Variants in DPYD observed in about 807,000 individuals in gnomAD.
DPYD encodes dihydropyrimidine dehydrogenase [NADP(+)].
DPYD carries 109 observed loss-of-function variants against 116.2 expected under a neutral mutation model. The ratio of observed to expected loss-of-function variants is 0.94; its 90% CI spans 0.80 to 1.10. The LOEUF is 1.10. Among genes scored for constraint, DPYD ranks in the 50% least tolerant of loss-of-function variants. The probability of loss-of-function intolerance (pLI) is 0.00; values close to 1 mark genes in which losing one functional copy is unlikely to be tolerated. For synonymous variants in DPYD, 440 were observed against 432.0 expected (o/e 1.02, Z -0.23); for missense variants, 1,302 against 1,254.5 (o/e 1.04, Z -0.57).
At chr1:97,877,159 T>C (rs1014831545) in intron 2 of DPYD, among the ~76,000 whole-genome samples, 2 of 152,008 alleles carry the variant, frequency 1.3e-5, no homozygotes, top group African/African-American at 4.8e-5. Flanking sequence ...TCAGAATGAC[T>C]GTCATCTTTT....
chr1:97,198,627 A>C (rs539698988), intron 19 of DPYD, among the ~76,000 whole-genome samples: 3 of 152,322 alleles, frequency 2.0e-5, no homozygotes, highest in South Asian at 2.1e-4. Flanking sequence ...TGCTATGCCT[A>C]AATGGGTGCA....
chr1:97,397,876 C>A (rs1455191908), intron 14 of DPYD, among the ~76,000 whole-genome samples: 3 of 151,690 alleles, frequency 2.0e-5, no homozygotes, highest in South Asian at 4.2e-4. Flanking sequence ...GGGTTAATAC[C>A]AAGGAGTAGA....
chr1:97,229,302 C>G (rs1291450686), intron 19 of DPYD, among the ~76,000 whole-genome samples: 1 of 146,938 alleles, frequency 6.8e-6, no homozygotes, highest in Non-Finnish European at 1.5e-5. Context: ...CAAGCCCCAG[C>G]AGACATTAAA....
intron 2 of DPYD, among the ~76,000 whole-genome samples, chr1:97,876,221 C>T (rs554531632): frequency 2.5e-3 from 379 of 152,120 alleles, no homozygotes; most frequent in Non-Finnish European, 4.0e-3. Context: ...GCAAGTACTT[C>T]TGACTCAACC....
At chr1:97,186,597 C>T (rs1019507614) in intron 20 of DPYD, among the ~76,000 whole-genome samples, 1 of 152,124 alleles carries the variant, frequency 6.6e-6, no homozygotes, top group Admixed American at 6.5e-5. Context: ...GCTTGTAAGC[C>T]CAGAACTCTG....
intron 20 of DPYD, among the ~76,000 whole-genome samples, chr1:97,100,308 G>A (rs910158378): frequency 2.6e-5 from 4 of 151,984 alleles, no homozygotes; most frequent in African/African-American, 9.7e-5. Context: ...TACACTTGGT[G>A]CCAAAAAAAT....
chr1:97,618,876 C>A (rs1435361202), intron 8 of DPYD, among the ~76,000 whole-genome samples: 1 of 152,176 alleles, frequency 6.6e-6, no homozygotes, highest in East Asian at 1.9e-4. Context: ...GAGCTCACCA[C>A]ATAAAATCGA....
intron 8 of DPYD, among the ~76,000 whole-genome samples, chr1:97,663,234 G>GAAA (rs1269400315): frequency 1.3e-5 from 2 of 152,096 alleles, no homozygotes; most frequent in Non-Finnish European, 2.9e-5. Flanking sequence ...TTTCCACCAG[G>GAAA]TTGTCACAAG....
chr1:97,307,643 C>A (rs563560855), intron 16 of DPYD, among the ~76,000 whole-genome samples: 44 of 151,922 alleles, frequency 2.9e-4, no homozygotes, highest in African/African-American at 1.0e-3. Context: ...ACAGTAATTT[C>A]TTCATTAAAC....
At position 97,175,606 on chromosome 1, in the gene DPYD, G is replaced by A. The variant is rs886885125; in HGVS notation, c.2622+17463C>T. Among the ~76,000 whole-genome samples the A allele has an allele frequency of 8.5e-5, 13 of 152,132 alleles. No homozygotes were observed. In the South Asian group the frequency reaches 1.0e-3, roughly 12 times the overall value. The stretch of plus-strand genomic sequence containing the variant: ...GTCTTCTCCATTTTGGTGCCAAAGC[G>A]ATAAAGGAAGAATAAGGGCAAGGGA... On this transcript the variant is annotated intron_variant, in intron 20 of 22. Coordinates refer to ENST00000370192, the MANE Select transcript of DPYD (RefSeq NM_000110.4).
At chr1:97,138,274 T>C (rs1414823111) in intron 20 of DPYD, among the ~76,000 whole-genome samples, 1 of 152,134 alleles carries the variant, frequency 6.6e-6, no homozygotes, top group Non-Finnish European at 1.5e-5. Context: ...TTGTTGCTGA[T>C]TGGAGGCCAT....
At chr1:97,724,293 TGGGGGG>T (rs71883710) in intron 4 of DPYD, among the ~76,000 whole-genome samples, 19 of 21,808 alleles carry the variant, frequency 8.7e-4, no homozygotes, top group African/African-American at 2.2e-3. Context: ...AGGATGTATG[TGGGGGG>T]GGGGGGGGGT....
intron 12 of DPYD, chr1:97,546,433 T>C (rs561383127): frequency 1.9e-5 from 31 of 1,590,660 alleles, no homozygotes; most frequent in Non-Finnish European, 2.7e-5. Context: ...CAATAGAGAT[T>C]CCTGAAGTGA....
intron 19 of DPYD, among the ~76,000 whole-genome samples, chr1:97,233,461 T>C (rs1264006030): frequency 1.3e-5 from 2 of 152,112 alleles, no homozygotes; most frequent in African/African-American, 4.8e-5. Flanking sequence ...CCAGTGGGGA[T>C]GTGAGACTGC....
rs760698102 is a variant in DPYD, at chr1:97,234,998, C to T, written c.2300-4G>A. 2 of 1,613,982 alleles carry T rather than the reference C, an allele frequency of 1.2e-6. No homozygotes were observed. Among genetic ancestry groups the T allele is most frequent in the African/African-American group, 1.3e-5 (1 of 74,928 alleles). On this transcript the variant is annotated splice_region_variant and splice_polypyrimidine_tract_variant and intron_variant, in intron 18 of 22. Transcript: ENST00000370192. ...GCAATAGGTCTGATTGCTGTCCCTA[C>T]ACAAAATCAGAATAATCAATGGTTA...
intron 3 of DPYD, among the ~76,000 whole-genome samples, chr1:97,750,878 T>G (rs1664841241): frequency 6.6e-6 from 1 of 152,022 alleles, no homozygotes; most frequent in Non-Finnish European, 1.5e-5. Flanking sequence ...TATGCAAGGG[T>G]CCTGGCAACT....
At chr1:97,220,969 C>T (rs753619058) in intron 19 of DPYD, among the ~76,000 whole-genome samples, 25 of 152,260 alleles carry the variant, frequency 1.6e-4, no homozygotes, top group Admixed American at 2.6e-4. Context: ...GATTTCTGTG[C>T]TTCCCCCAAG....
At position 97,521,589 on chromosome 1, in the gene DPYD, C is replaced by T. The variant is rs190974383; in HGVS notation, c.1525-5648G>A. The stretch of plus-strand genomic sequence containing the variant: ...ATTTCATATGGAACCAAAAAAGAGC[C>T]TGTATAACCAACACAATCCTAAGCA... On this transcript the variant is annotated intron_variant, in intron 12 of 22. Coordinates refer to ENST00000370192, the MANE Select transcript of DPYD (RefSeq NM_000110.4). 3.0e-4 allele frequency among the ~76,000 whole-genome samples: 46 copies of T among 152,228 alleles called. No homozygotes were observed. In the East Asian group the frequency reaches 7.3e-3, roughly 24 times the overall value.
At chr1:97,905,373 T>C (rs1407249178) in intron 1 of DPYD, among the ~76,000 whole-genome samples, 2 of 151,986 alleles carry the variant, frequency 1.3e-5, no homozygotes, top group African/African-American at 4.8e-5. Flanking sequence ...CATTATAAAG[T>C]AGAAATAAAA....
Sources: gnomAD v4.1 joint callset for allele counts (sites outside exome capture counted in the v4.1 genomes callset) on GRCh38, gnomAD v4.1.1 for gene constraint, MANE v1.5 for transcripts, NCBI Gene and HGNC (gene_info 2026-07-23, HGNC 2026-07-21) for gene names.